The following LDLRAD3 variants were observed in gnomAD, a reference collection of about 807,000 sequenced individuals.
LDLRAD3 encodes low-density lipoprotein receptor class A domain-containing protein 3.
In LDLRAD3, 20 loss-of-function variants were observed where a neutral mutation model predicts 29.4. The observed-to-expected ratio is 0.68, with a 90% CI of 0.48 to 0.99. The LOEUF (loss-of-function observed/expected upper bound fraction) is 0.99, where lower values mean the gene tolerates loss of function less well. Among genes scored for constraint, LDLRAD3 ranks in the 50% least tolerant of loss-of-function variants. LDLRAD3 has a pLI of 0.00. For missense variants in LDLRAD3, 420 were observed against 454.3 expected, an observed-to-expected ratio of 0.92 and a Z score of 0.69; for synonymous variants, 157 against 192.7, an observed-to-expected ratio of 0.81 and a Z score of 1.53.
chr11:36,078,468 G>A (rs980176616), intron 2 of LDLRAD3, among the ~76,000 whole-genome samples: 3 of 152,192 alleles, frequency 2.0e-5, no homozygotes, highest in South Asian at 2.1e-4. Flanking sequence ...TGCCCTGAGC[G>A]TGCACACATC....
At chr11:36,191,546 C>CTCTCTCTCTCTCTT (rs1424966739) in intron 4 of LDLRAD3, among the ~76,000 whole-genome samples, 1,075 of 55,446 alleles carry the variant, frequency 0.019, 16 homozygotes, top group African/African-American at 0.078. Context: ...CTGTCTCTCT[C>CTCTCTCTCTCTCTT]TCTCTCTCTC....
rs569985600 is a variant in LDLRAD3 at position 36,216,952 on chromosome 11, A to C, written c.455-10133A>C. On this transcript the variant is annotated intron_variant, in intron 4 of 5. Coordinates refer to ENST00000315571, the MANE Select transcript of LDLRAD3 (RefSeq NM_174902.4). Reference sequence around the variant, plus strand: ...AGAGAGAAGTATTCAGGATAGCGCAATGGATTCTGACTTCAGACTCCTGCA... The same window carrying C: ...AGAGAGAAGTATTCAGGATAGCGCACTGGATTCTGACTTCAGACTCCTGCA... Among the ~76,000 whole-genome samples the C allele has an allele frequency of 1.3e-5, 2 of 152,348 alleles. 1 individual carries two copies. Among genetic ancestry groups the C allele is most frequent in the South Asian group, 4.1e-4 (2 of 4,826 alleles).
intron 4 of LDLRAD3, among the ~76,000 whole-genome samples, chr11:36,130,762 T>C (rs139119426): frequency 2.1e-4 from 32 of 152,274 alleles, no homozygotes; most frequent in African/African-American, 4.6e-4. Flanking sequence ...GCTATTATCA[T>C]CATCCCCACT....
At chr11:36,100,474 C>G (rs1167052971) in intron 4 of LDLRAD3, among the ~76,000 whole-genome samples, 12 of 152,214 alleles carry the variant, frequency 7.9e-5, no homozygotes, top group African/African-American at 2.9e-4. Flanking sequence ...GAGTCTTGCT[C>G]TGTCACCCAG....
At chr11:35,958,895 C>G (rs934115047) in intron 1 of LDLRAD3, among the ~76,000 whole-genome samples, 2 of 151,852 alleles carry the variant, frequency 1.3e-5, no homozygotes, top group Non-Finnish European at 2.9e-5. Flanking sequence ...TGCAGACGTG[C>G]GCTGCTCTCG....
At chr11:36,123,454 G>C (rs1853789524) in intron 4 of LDLRAD3, among the ~76,000 whole-genome samples, 1 of 152,200 alleles carries the variant, frequency 6.6e-6, no homozygotes, top group Non-Finnish European at 1.5e-5. Context: ...GGCAGTATTA[G>C]AAGTACAAAA....
chr11:36,050,044 C>G (rs770875547), intron 2 of LDLRAD3, among the ~76,000 whole-genome samples: 1 of 152,020 alleles, frequency 6.6e-6, no homozygotes, highest in Non-Finnish European at 1.5e-5. Flanking sequence ...GAGAATAGAC[C>G]CGAGAATTTT....
chr11:35,986,682 T>C (rs1037400066), intron 1 of LDLRAD3, among the ~76,000 whole-genome samples: 1 of 152,226 alleles, frequency 6.6e-6, no homozygotes, highest in Non-Finnish European at 1.5e-5. Flanking sequence ...TTGCAGGACC[T>C]GTTGTTGCCA....
intron 4 of LDLRAD3, among the ~76,000 whole-genome samples, chr11:36,142,239 T>C (rs76564506): frequency 0.018 from 2,722 of 152,248 alleles, 98 homozygotes; most frequent in African/African-American, 0.062. Flanking sequence ...TCTGATGGTT[T>C]TACTCTGATG....
intron 1 of LDLRAD3, among the ~76,000 whole-genome samples, chr11:35,996,747 A>G (rs980905811): frequency 6.6e-5 from 10 of 152,232 alleles, no homozygotes; most frequent in Admixed American, 1.3e-4. Flanking sequence ...GATGAAGGGA[A>G]TCAAAGCCAC....
At chr11:35,969,828 C>T (rs564512582) in intron 1 of LDLRAD3, among the ~76,000 whole-genome samples, 78 of 152,302 alleles carry the variant, frequency 5.1e-4, no homozygotes, top group African/African-American at 1.7e-3. Context: ...CACGTGCATG[C>T]GTGGAGTTTT....
intron 1 of LDLRAD3, among the ~76,000 whole-genome samples, chr11:36,008,375 A>T (rs1851910697): frequency 6.6e-6 from 1 of 152,200 alleles, no homozygotes; most frequent in South Asian, 2.1e-4. Context: ...TCCAGGGTTC[A>T]TGGAAGACGG....
chr11:36,107,601 G>A (rs751565389), intron 4 of LDLRAD3, among the ~76,000 whole-genome samples: 1 of 152,076 alleles, frequency 6.6e-6, no homozygotes, highest in Non-Finnish European at 1.5e-5. Context: ...TGTCTTTACT[G>A]TATTTTTTTA....
Position 36,017,959 on chromosome 11 carries a change from A to G in LDLRAD3, c.47-18144A>G, listed in dbSNP as rs550228268. 5.9e-5 allele frequency among the ~76,000 whole-genome samples: 9 copies of G among 152,318 alleles called. No individual in the cohort carries two copies. The East Asian group carries it at 1.7e-3, about 29-fold the overall frequency. The stretch of plus-strand genomic sequence containing the variant: ...CAGTTTTGGCATTCATCAGGTAGAA[A>G]CTTCAGTTTTTCAGTCAGAATTGTG... On this transcript the variant is annotated intron_variant, in intron 1 of 5. Coordinates refer to ENST00000315571, the MANE Select transcript of LDLRAD3 (RefSeq NM_174902.4).
intron 2 of LDLRAD3, among the ~76,000 whole-genome samples, chr11:36,041,544 A>G (rs1565180188): frequency 6.6e-6 from 1 of 152,232 alleles, no homozygotes; most frequent in Non-Finnish European, 1.5e-5. Flanking sequence ...ATAGAAATGA[A>G]TATTTACATG....
rs779050160 is a variant in LDLRAD3 at position 36,056,537 on chromosome 11, C to T, written c.193+20288C>T. Among the ~76,000 whole-genome samples the T allele has an allele frequency of 3.7e-4, 57 of 152,256 alleles. No homozygotes were observed. The Middle Eastern group carries it at 0.01, about 27-fold the overall frequency. Reference sequence around the variant, plus strand: ...ACTGAACCACTCTGCTGTGCTGCCCCCTGTGGGTAAGTGCACACCACGGCA... The same window carrying T: ...ACTGAACCACTCTGCTGTGCTGCCCTCTGTGGGTAAGTGCACACCACGGCA... On this transcript the variant is annotated intron_variant, in intron 2 of 5. Coordinates refer to ENST00000315571, the MANE Select transcript of LDLRAD3 (RefSeq NM_174902.4).
At chr11:36,162,031 A>T (rs1268441146) in intron 4 of LDLRAD3, among the ~76,000 whole-genome samples, 1 of 152,056 alleles carries the variant, frequency 6.6e-6, no homozygotes, top group Non-Finnish European at 1.5e-5. Context: ...ACTGAAGTAA[A>T]ACTATAAATC....
chr11:35,971,762 G>A (rs1851415180), intron 1 of LDLRAD3, among the ~76,000 whole-genome samples: 1 of 152,146 alleles, frequency 6.6e-6, no homozygotes, highest in Admixed American at 6.5e-5. Context: ...GCAATATTGT[G>A]GGTATTCAGA....
At chr11:36,032,544 A>G (rs1394839634) in intron 1 of LDLRAD3, among the ~76,000 whole-genome samples, 1 of 152,168 alleles carries the variant, frequency 6.6e-6, no homozygotes, top group East Asian at 1.9e-4. Flanking sequence ...CAACCTCAGC[A>G]CTATTGACAT....
Sources: gnomAD v4.1 joint callset for allele counts (sites outside exome capture counted in the v4.1 genomes callset) on GRCh38, gnomAD v4.1.1 for gene constraint, MANE v1.5 for transcripts, NCBI Gene and HGNC (gene_info 2026-07-23, HGNC 2026-07-21) for gene names.